The following PITPNA variants were observed in gnomAD, a reference collection of about 807,000 sequenced individuals.
PITPNA encodes the protein phosphatidylinositol transfer protein alpha, also known as phosphatidylinositol transfer protein alpha isoform.
In PITPNA, 13 loss-of-function variants were observed where a neutral mutation model predicts 50.3. The ratio of observed to expected loss-of-function variants is 0.26; its 90% confidence interval spans 0.17 to 0.41. PITPNA has a LOEUF of 0.41. PITPNA is among the 10% of genes least tolerant of loss of function. The pLI, the probability that PITPNA is intolerant of heterozygous loss-of-function variation, is 1.00. For synonymous variants in PITPNA, 120 were observed against 119.6 expected, an observed-to-expected ratio of 1.00 and a Z score of -0.02; for missense variants, 207 against 333.4, an observed-to-expected ratio of 0.62 and a Z score of 2.95.
intron 10 of PITPNA, 83 bp downstream of exon 10, chr17:1,534,016 C>T (rs2075599941): frequency 4.0e-6 from 6 of 1,513,656 alleles, no homozygotes; most frequent in Admixed American, 1.7e-5. Flanking sequence ...CAGGATGGTG[C>T]TCTCGGTGAA....
Position 1,562,771 on chromosome 17 carries a change from C to G in PITPNA, c.-211G>C, listed in dbSNP as rs1043333276. On this transcript the variant is annotated 5_prime_UTR_variant, in exon 1 of 12. Coordinates refer to ENST00000313486, the MANE Select transcript of PITPNA (RefSeq NM_006224.4). The surrounding 1 kb of genome is among the most constrained non-coding windows in gnomAD (Gnocchi z 6.4). Reference sequence around the variant, plus strand: ...GCGCCGCTGCCGACGCCGCCCGGAGCTCCGGTTCCGCAGCGCCGCGCGGGG... The same window carrying G: ...GCGCCGCTGCCGACGCCGCCCGGAGGTCCGGTTCCGCAGCGCCGCGCGGGG... The G allele has an allele frequency of 6.2e-6, 1 of 162,100 alleles. No homozygotes were observed. Among genetic ancestry groups the G allele is most frequent in the Non-Finnish European group, 1.3e-5 (1 of 76,568 alleles). 10.0% of individuals were successfully genotyped at this position (162,100 alleles called of 1,614,324 possible). A position where few individuals can be genotyped will look rare whatever the true frequency, so the allele number is the denominator to read the frequency against.
chr17:1,524,125 A>C (rs1002356917), intron 10 of PITPNA, among the ~76,000 whole-genome samples: 3 of 149,022 alleles, frequency 2.0e-5, no homozygotes, highest in Admixed American at 6.7e-5. Context: ...GCTCACTGCA[A>C]GCTCTGCCTC....
At chr17:1,536,388 C>T (rs569862722) in intron 7 of PITPNA, among the ~76,000 whole-genome samples, 27 of 147,382 alleles carry the variant, frequency 1.8e-4, no homozygotes, top group Admixed American at 5.5e-4. Context: ...CCCAAGTTCA[C>T]GCCATTCTCC....
In PITPNA at chr17:1,518,818, CACTG is replaced by C. The variant is rs2075490613; in HGVS notation, c.*1739_*1742del. 6.6e-6 allele frequency: 1 copy of C among 152,236 alleles called. No individual in the cohort carries two copies. Among genetic ancestry groups the C allele is most frequent in the African/African-American group, 2.4e-5 (1 of 41,454 alleles). The allele number at this position is 152,236 out of a possible 1,614,324, so 9.4% of individuals were successfully genotyped here. On this transcript the variant is annotated 3_prime_UTR_variant, in exon 12 of 12. Transcript: ENST00000313486. ...AGCTAACACAGAGCTTATAGGAAAA[CACTG>C]ACATTTTTCTCCAGTAGGAATGCCT...
At chr17:1,536,500 A>G (rs969436019) in intron 7 of PITPNA, among the ~76,000 whole-genome samples, 8 of 152,070 alleles carry the variant, frequency 5.3e-5, no homozygotes, top group Non-Finnish European at 2.9e-5. Context: ...CGTGTTAGCC[A>G]GGATGGTCTC....
intron 10 of PITPNA, among the ~76,000 whole-genome samples, chr17:1,522,059 C>T (rs2075516754): frequency 6.7e-6 from 1 of 148,580 alleles, no homozygotes; most frequent in East Asian, 2.0e-4. Flanking sequence ...TCAACAAATA[C>T]TTATGAAACA....
chr17:1,536,550 C>T (rs7219166), intron 7 of PITPNA, among the ~76,000 whole-genome samples: 2 of 151,634 alleles, frequency 1.3e-5, no homozygotes. Flanking sequence ...TGGCCTCCCA[C>T]AGTGCTGGGA....
intron 4 of PITPNA, among the ~76,000 whole-genome samples, chr17:1,546,345 AC>A (rs758133229): frequency 6.6e-6 from 1 of 152,172 alleles, no homozygotes; most frequent in Non-Finnish European, 1.5e-5. Flanking sequence ...TAAGGGTTAC[AC>A]ATCCCAGACC....
intron 10 of PITPNA, among the ~76,000 whole-genome samples, chr17:1,525,146 C>T (rs542655963): frequency 5.9e-5 from 9 of 151,780 alleles, no homozygotes; most frequent in East Asian, 2.0e-4. Context: ...CACACCACCA[C>T]GCCTGGCTAA....
chr17:1,555,869 C>G (rs2075732643), intron 2 of PITPNA, among the ~76,000 whole-genome samples: 1 of 152,214 alleles, frequency 6.6e-6, no homozygotes, highest in South Asian at 2.1e-4. Context: ...GCACAACGCC[C>G]AGACACTCAG....
intron 3 of PITPNA, among the ~76,000 whole-genome samples, chr17:1,549,421 A>T (rs1441788181): frequency 1.3e-5 from 2 of 149,532 alleles, no homozygotes; most frequent in South Asian, 4.2e-4. Context: ...GGTTCAAGAG[A>T]TTCTCCTGCC....
intron 4 of PITPNA, among the ~76,000 whole-genome samples, chr17:1,544,636 G>A (rs1300705839): frequency 6.6e-6 from 1 of 152,158 alleles, no homozygotes; most frequent in African/African-American, 2.4e-5. Context: ...GACTAATAAG[G>A]CATTTTAAAT....
intron 4 of PITPNA, 109 bp from the exon 5 acceptor site, chr17:1,543,136 C>T (rs1276504434): frequency 1.2e-6 from 1 of 803,114 alleles, no homozygotes; most frequent in Non-Finnish European, 2.0e-6. Flanking sequence ...GTGTACTTTA[C>T]TCCCTGTGGC....
rs1269034319 is a variant in PITPNA at position 1,558,446 on chromosome 17, C to G, written c.51+83G>C. ...AGAACAAATAAGAAAACTATATAAA[C>G]AGGATAACCACTCAGAGCCCAGCTT... On this transcript the variant is annotated intron_variant, in intron 2 of 11. Coordinates refer to ENST00000313486, the MANE Select transcript of PITPNA (RefSeq NM_006224.4). 4 of 821,036 alleles carry G rather than the reference C, an allele frequency of 4.9e-6. No homozygotes were observed. The African/African-American group carries it at 6.9e-5, about 14-fold the overall frequency. 50.9% of individuals were successfully genotyped at this position (821,036 alleles called of 1,614,324 possible). A position where few individuals can be genotyped will look rare whatever the true frequency, so the allele number is the denominator to read the frequency against.
At chr17:1,531,284 C>G (rs73296915) in intron 10 of PITPNA, among the ~76,000 whole-genome samples, 22,482 of 152,024 alleles carry the variant, frequency 0.15, 1,935 homozygotes, top group African/African-American at 0.22. Flanking sequence ...GGGAAAGTGA[C>G]AAGCCTCCGT....
At chr17:1,541,433 G>T in intron 6 of PITPNA, 133 bp downstream of exon 6, 1 of 697,996 alleles carries the variant, frequency 1.4e-6, no homozygotes, top group Non-Finnish European at 2.6e-6. Context: ...GGTAAGATAG[G>T]TCTAGGCAGA....
intron 10 of PITPNA, among the ~76,000 whole-genome samples, chr17:1,528,154 T>A (rs748081307): frequency 7.9e-5 from 12 of 152,010 alleles, no homozygotes; most frequent in Non-Finnish European, 1.8e-4. Flanking sequence ...TAGGCAACAG[T>A]GTGAGACCCT....
At chr17:1,530,745 A>G (rs1413936447) in intron 10 of PITPNA, among the ~76,000 whole-genome samples, 2 of 152,236 alleles carry the variant, frequency 1.3e-5, no homozygotes, top group Non-Finnish European at 2.9e-5. Flanking sequence ...ACAGGAACAG[A>G]GGACACCACA....
intron 2 of PITPNA, among the ~76,000 whole-genome samples, chr17:1,554,092 G>C (rs978696145): frequency 6.6e-6 from 1 of 152,194 alleles, no homozygotes; most frequent in Non-Finnish European, 1.5e-5. Flanking sequence ...CAATGACCTA[G>C]GCAGTGCCCA....
Sources: gnomAD v4.1 joint callset for allele counts (sites outside exome capture counted in the v4.1 genomes callset) on GRCh38, gnomAD v4.1.1 for gene constraint, Gnocchi (gnomAD v3.1) non-coding constraint, MANE v1.5 for transcripts, NCBI Gene and HGNC (gene_info 2026-07-23, HGNC 2026-07-21) for gene names.